The following ATAD2 variants were observed in gnomAD, a reference collection of about 807,000 sequenced individuals.
ATAD2 encodes the protein ATPase family AAA domain containing 2, also known as ATPase family AAA domain-containing protein 2.
Under a neutral mutation model 168.9 loss-of-function variants are expected in ATAD2, and 62 were observed. That is an observed-to-expected ratio of 0.37 (90% CI 0.30 to 0.45). ATAD2 has a LOEUF of 0.45. Among genes scored for constraint, ATAD2 ranks in the 20% least tolerant of loss-of-function variants. ATAD2 has a pLI of 1.00. For missense variants in ATAD2, 1,419 were observed against 1,667.8 expected, an observed-to-expected ratio of 0.85 and a Z score of 2.60; for synonymous variants, 613 against 571.6, an observed-to-expected ratio of 1.07 and a Z score of -1.03.
At chr8:123,409,525 C>T (rs568058964) in intron 1 of ATAD2, among the ~76,000 whole-genome samples, 1 of 152,230 alleles carries the variant, frequency 6.6e-6, no homozygotes, top group Non-Finnish European at 1.5e-5. Context: ...CAGGGTCTCA[C>T]TCTGTCACAC....
At chr8:123,415,255 T>G (rs1813236693) in intron 1 of ATAD2, among the ~76,000 whole-genome samples, 1 of 152,206 alleles carries the variant, frequency 6.6e-6, no homozygotes, top group African/African-American at 2.4e-5. Context: ...CTTATAGGGT[T>G]TCCCACTCAC....
chr8:123,366,141 C>T (rs572823732), intron 8 of ATAD2, among the ~76,000 whole-genome samples: 8 of 152,160 alleles, frequency 5.3e-5, no homozygotes, highest in African/African-American at 1.7e-4. Flanking sequence ...AGAAGATATA[C>T]AAATAGCCAA....
intron 1 of ATAD2, chr8:123,401,681 G>T: frequency 3.9e-6 from 3 of 777,090 alleles, no homozygotes; most frequent in East Asian, 2.5e-5. Context: ...CCTGACTGTG[G>T]GGCACGTCAA....
intron 9 of ATAD2, among the ~76,000 whole-genome samples, chr8:123,360,991 T>C (rs1274920948): frequency 6.6e-6 from 1 of 151,834 alleles, no homozygotes; most frequent in Non-Finnish European, 1.5e-5. Context: ...AAGTCACTGT[T>C]TGACCAGAAC....
At chr8:123,326,066 A>C in intron 25 of ATAD2, 40 bp from the exon 26 acceptor site, 1 of 1,593,288 alleles carries the variant, frequency 6.3e-7, no homozygotes, top group Admixed American at 1.7e-5. Flanking sequence ...TGGTCCATAG[A>C]TATTATGATG....
rs537286383 is a variant in ATAD2, at chr8:123,401,552, C to A, written c.-2281-377G>T. ...ACGGGCTGTGTGTGGGCATAGGCTGCGGCTCCCTCTGCATCACCCAGGAAG... is the reference window on the plus strand; with the variant it reads ...ACGGGCTGTGTGTGGGCATAGGCTGAGGCTCCCTCTGCATCACCCAGGAAG... On this transcript the variant is annotated intron_variant, in intron 1 of 28. Coordinates refer to the ATAD2 transcript ENST00000521903. The A allele has an allele frequency of 3.9e-5, 59 of 1,525,584 alleles. 1 individual carries two copies. In the South Asian group the frequency reaches 6.5e-4, roughly 17 times the overall value. The allele number at this position is 1,525,584 out of a possible 1,614,324, so 94.5% of individuals were successfully genotyped here.
At chr8:123,384,948 A>C (rs1473722453) in intron 1 of ATAD2, among the ~76,000 whole-genome samples, 15 of 152,170 alleles carry the variant, frequency 9.9e-5, no homozygotes, top group Admixed American at 9.8e-4. Flanking sequence ...ATTTTTCTTA[A>C]ACTGATTTCA....
intron 1 of ATAD2, among the ~76,000 whole-genome samples, chr8:123,394,534 CAGG>C (rs1464585107): frequency 1.3e-5 from 2 of 151,928 alleles, no homozygotes; most frequent in Non-Finnish European, 2.9e-5. Context: ...GAGGCTGAGG[CAGG>C]AGAACTGCTT....
chr8:123,365,251 T>C (rs1828940026), intron 8 of ATAD2, among the ~76,000 whole-genome samples: 2 of 152,042 alleles, frequency 1.3e-5, no homozygotes, highest in Non-Finnish European at 2.9e-5. Flanking sequence ...CAAGGAAAAC[T>C]ACAAAACACT....
intron 25 of ATAD2, among the ~76,000 whole-genome samples, chr8:123,326,597 G>A (rs1827622404): frequency 6.6e-6 from 1 of 152,100 alleles, no homozygotes; most frequent in Admixed American, 6.5e-5. Flanking sequence ...AGGATCGTTT[G>A]AGCCGAGGAG....
chr8:123,396,407 C>A lies in ATAD2; in HGVS notation c.-50G>T. ...TGCGCGACCGGAGAGAGATCCAGCT[C>A]CAGGCGCTCGCAGCTCTGGCTCTTC... On this transcript the variant is annotated 5_prime_UTR_variant, in exon 1 of 28. Coordinates refer to ENST00000287394, the MANE Select transcript of ATAD2 (RefSeq NM_014109.4). The A allele has an allele frequency of 1.4e-6, 2 of 1,480,902 alleles. No homozygotes were observed. The highest frequency in any genetic ancestry group is 1.3e-5 in the South Asian group (1 of 76,688). 91.7% of individuals were successfully genotyped at this position (1,480,902 alleles called of 1,614,324 possible).
chr8:123,369,142 T>A lies in ATAD2; in HGVS notation c.965A>T (p.Tyr322Phe), dbSNP rs934590118. 1 of 1,579,746 alleles carries A rather than the reference T, an allele frequency of 6.3e-7. No homozygotes were observed. Among genetic ancestry groups the A allele is most frequent in the South Asian group, 1.2e-5 (1 of 85,774 alleles). The change falls in exon 8 of 28, where the codon TAT (tyrosine) becomes TTT (phenylalanine). Residue 322 changes from tyrosine (Y) to phenylalanine (F), a missense_variant. Coordinates refer to ENST00000287394, the MANE Select transcript of ATAD2 (RefSeq NM_014109.4). ...TCTTGCAGGAGAAGCTGGGCCACTA[T>A]AAAATATGTTGGGCTTTCTCTGGTG... ...PRHQRKPNIF[Y>F]SGPASPARPR...
intron 21 of ATAD2, 101 bp downstream of exon 21, chr8:123,337,524 T>C: frequency 9.1e-7 from 1 of 1,094,566 alleles, no homozygotes; most frequent in Non-Finnish European, 1.3e-6. Context: ...TAGATAAAAC[T>C]AGTTAAGAGT....
chr8:123,366,250 T>C (rs1164427686), intron 8 of ATAD2, among the ~76,000 whole-genome samples: 1 of 152,028 alleles, frequency 6.6e-6, no homozygotes, highest in Non-Finnish European at 1.5e-5. Flanking sequence ...ATGGCTATAA[T>C]CAAAAAATCA....
At chr8:123,321,258 A>T (rs536771914) in intron 27 of ATAD2, 83 bp from the exon 28 acceptor site, 12 of 1,176,428 alleles carry the variant, frequency 1.0e-5, no homozygotes, top group Non-Finnish European at 1.5e-5. Flanking sequence ...TTCAGTAAAC[A>T]ACCTTAAGAA....
chr8:123,340,917 T>TA (rs1223337015), intron 19 of ATAD2, among the ~76,000 whole-genome samples: 4 of 151,034 alleles, frequency 2.6e-5, no homozygotes, highest in Non-Finnish European at 4.4e-5. Flanking sequence ...ACTATATGCT[T>TA]AAAAAAATGG....
In ATAD2 at chr8:123,362,268, G is replaced by A. The variant is rs796098543; in HGVS notation, c.1050-622C>T. On this transcript the variant is annotated intron_variant, in intron 8 of 27. Transcript: ENST00000287394. The stretch of plus-strand genomic sequence containing the variant: ...TGATTGCACCACTGCACTGCAGCCT[G>A]CTGGGTGACAAAGTAAGCCCCTGCC... Among the ~76,000 whole-genome samples, 20 of 148,404 alleles carry A rather than the reference G, an allele frequency of 1.3e-4. 1 individual carries two copies. Among genetic ancestry groups the A allele is most frequent in the African/African-American group, 4.5e-4 (18 of 39,904 alleles).
upstream of ATAD2, chr8:123,400,450 G>C (rs114825976): frequency 5.6e-6 from 2 of 356,032 alleles, no homozygotes; most frequent in Non-Finnish European, 1.1e-5. The surrounding 1 kb of genome is among the most constrained non-coding windows in gnomAD (Gnocchi z 4.5). Flanking sequence ...TGGGAGGATC[G>C]CTTGAGCCCA....
intron 2 of ATAD2, among the ~76,000 whole-genome samples, chr8:123,378,310 T>C (rs1829381506): frequency 6.6e-6 from 1 of 152,036 alleles, no homozygotes; most frequent in African/African-American, 2.4e-5. Flanking sequence ...AATTAAAAAA[T>C]ATGTATTAAA....
Sources: allele counts gnomAD v4.1 joint callset (sites outside exome capture counted in the v4.1 genomes callset), GRCh38; gene constraint gnomAD v4.1.1; non-coding constraint Gnocchi (gnomAD v3.1); transcripts MANE v1.5; gene names NCBI Gene and HGNC (gene_info 2026-07-23, HGNC 2026-07-21).